The following RIMS2 variants were observed in gnomAD, a reference collection of about 807,000 sequenced individuals.
The protein encoded by RIMS2 is regulating synaptic membrane exocytosis protein 2.
Under a neutral mutation model 174.4 loss-of-function variants are expected in RIMS2, and 59 were observed. That is an observed-to-expected ratio of 0.34 (90% CI 0.27 to 0.42). The LOEUF is 0.42. Ranked by LOEUF, RIMS2 falls within the 10% of genes least tolerant of loss-of-function variation. The probability of loss-of-function intolerance (pLI) is 1.00; values close to 1 mark genes in which losing one functional copy is unlikely to be tolerated. For missense variants in RIMS2, 1,620 were observed against 1,666.3 expected, an observed-to-expected ratio of 0.97 and a Z score of 0.48; for synonymous variants, 606 against 572.5, an observed-to-expected ratio of 1.06 and a Z score of -0.84.
intron 3 of RIMS2, among the ~76,000 whole-genome samples, chr8:103,782,984 G>A (rs138667358): frequency 6.6e-6 from 1 of 152,278 alleles, no homozygotes; most frequent in African/African-American, 2.4e-5. Context: ...ATTTCAGTTT[G>A]TGTAGGTCAA....
Position 103,523,991 on chromosome 8 carries a change from A to G in RIMS2, c.176+22929A>G, listed in dbSNP as rs562066036. 2.6e-5 allele frequency among the ~76,000 whole-genome samples: 4 copies of G among 152,312 alleles called. No individual in the cohort carries two copies. In the South Asian group the frequency reaches 6.2e-4, roughly 24 times the overall value. On this transcript the variant is annotated intron_variant, in intron 1 of 23. Coordinates refer to ENST00000504942, the Ensembl canonical transcript of RIMS2. ...CTAAGATGATTTTGCTACCCAAAAA[A>G]TGAATTGTAGTGTTTGTGGAAAATA...
intron 19 of RIMS2, among the ~76,000 whole-genome samples, chr8:104,210,462 G>C (rs970242464): frequency 5.3e-5 from 8 of 152,062 alleles, no homozygotes; most frequent in Admixed American, 2.0e-4. Flanking sequence ...TTGGAAGGAG[G>C]GCCCTATACT....
intron 1 of RIMS2, among the ~76,000 whole-genome samples, chr8:103,650,063 A>G (rs1299310059): frequency 6.6e-6 from 1 of 151,808 alleles, no homozygotes. Context: ...GGGCTTACCT[A>G]CCTTTGGTCT....
At chr8:103,530,677 T>G (rs532921141) in intron 1 of RIMS2, among the ~76,000 whole-genome samples, 1 of 152,274 alleles carries the variant, frequency 6.6e-6, no homozygotes, top group Non-Finnish European at 1.5e-5. Flanking sequence ...GAAGGACATT[T>G]TAAGTTTTAC....
intron 2 of RIMS2, among the ~76,000 whole-genome samples, chr8:103,704,012 CA>C (rs2097196500): frequency 6.6e-6 from 1 of 151,862 alleles, no homozygotes; most frequent in African/African-American, 2.4e-5. Context: ...CTAGAATTTC[CA>C]ATACTATATT....
intron 15 of RIMS2, among the ~76,000 whole-genome samples, chr8:103,971,665 G>A (rs764655691): frequency 6.6e-5 from 10 of 151,524 alleles, no homozygotes; most frequent in Admixed American, 1.3e-4. Context: ...TCCACCTCCC[G>A]GGTTCAAGCA....
At chr8:103,567,549 C>T (rs1006941128) in intron 1 of RIMS2, among the ~76,000 whole-genome samples, 6 of 152,064 alleles carry the variant, frequency 3.9e-5, no homozygotes, top group African/African-American at 9.7e-5. Context: ...ATGAATATGC[C>T]ACATATATGT....
chr8:104,111,629 A>G (rs1198874243), intron 19 of RIMS2, among the ~76,000 whole-genome samples: 1 of 152,088 alleles, frequency 6.6e-6, no homozygotes, highest in Non-Finnish European at 1.5e-5. Flanking sequence ...GATGGTCTCC[A>G]TCTCTTGACC....
intron 2 of RIMS2, among the ~76,000 whole-genome samples, chr8:103,699,593 T>C (rs1383095667): frequency 2.0e-5 from 3 of 152,112 alleles, no homozygotes; most frequent in Admixed American, 1.3e-4. Context: ...TTTTTCTTTT[T>C]TCGTTTCTTT....
chr8:104,089,328 G>C (rs1190217855), intron 19 of RIMS2, among the ~76,000 whole-genome samples: 1 of 151,628 alleles, frequency 6.6e-6, no homozygotes, highest in Non-Finnish European at 1.5e-5. Flanking sequence ...TAACAATTTA[G>C]CTTCTCTCTC....
intron 19 of RIMS2, among the ~76,000 whole-genome samples, chr8:104,158,971 A>G (rs1023982510): frequency 3.3e-5 from 5 of 152,168 alleles, no homozygotes; most frequent in African/African-American, 1.2e-4. Flanking sequence ...GTCTTTGCCC[A>G]TGCCTATATC....
chr8:103,874,516 C>T (rs1339511863), intron 3 of RIMS2, among the ~76,000 whole-genome samples: 2 of 151,918 alleles, frequency 1.3e-5, no homozygotes, highest in Non-Finnish European at 2.9e-5. Flanking sequence ...CCCTAAAAGT[C>T]ACCTACTTTT....
chr8:103,571,027 T>C (rs982837910), intron 1 of RIMS2, among the ~76,000 whole-genome samples: 2 of 152,186 alleles, frequency 1.3e-5, no homozygotes, highest in Admixed American at 6.5e-5. Context: ...GGTCTACTTA[T>C]AATTTTTCCT....
At chr8:103,622,203 A>C (rs1485935906) in intron 1 of RIMS2, among the ~76,000 whole-genome samples, 2 of 152,144 alleles carry the variant, frequency 1.3e-5, no homozygotes, top group Non-Finnish European at 1.5e-5. Flanking sequence ...AGAATTTATA[A>C]TTTTAAGTAG....
intron 19 of RIMS2, among the ~76,000 whole-genome samples, chr8:104,221,378 C>G (rs1217754251): frequency 6.6e-6 from 1 of 152,080 alleles, no homozygotes; most frequent in Non-Finnish European, 1.5e-5. Flanking sequence ...AAGTTATTTT[C>G]ATGACTCATT....
chr8:103,885,572 A>G, exon 4 of RIMS2: 1 of 1,612,960 alleles, frequency 6.2e-7, no homozygotes, highest in Non-Finnish European at 8.5e-7. Flanking sequence ...AAGGCAAAGG[A>G]GAGAGGAAGA....
chr8:103,579,456 T>A (rs1432884313), intron 1 of RIMS2, among the ~76,000 whole-genome samples: 1 of 152,184 alleles, frequency 6.6e-6, no homozygotes, highest in Non-Finnish European at 1.5e-5. Context: ...ATTCATAACT[T>A]TAGTATGAAG....
intron 1 of RIMS2, among the ~76,000 whole-genome samples, chr8:103,584,603 A>G (rs2093803921): frequency 6.6e-6 from 1 of 152,210 alleles, no homozygotes; most frequent in South Asian, 2.1e-4. Flanking sequence ...AAGTTAAGGC[A>G]TAGAGTTTTA....
intron 3 of RIMS2, among the ~76,000 whole-genome samples, chr8:103,773,032 A>G: frequency 6.6e-6 from 1 of 152,186 alleles, no homozygotes; most frequent in East Asian, 1.9e-4. Context: ...ATCTTGGTTT[A>G]GGCTAAAACT....
Sources: gnomAD v4.1 joint callset for allele counts (sites outside exome capture counted in the v4.1 genomes callset) on GRCh38, gnomAD v4.1.1 for gene constraint, MANE v1.5 for transcripts, NCBI Gene and HGNC (gene_info 2026-07-23, HGNC 2026-07-21) for gene names.